Variants in CSMD1 observed in about 807,000 individuals in gnomAD.
The protein encoded by CSMD1 is CUB and sushi domain-containing protein 1.
Under a neutral mutation model 417.5 loss-of-function variants are expected in CSMD1, and 213 were observed. That is an observed-to-expected ratio of 0.51 (90% CI 0.46 to 0.57). CSMD1 has a LOEUF of 0.57. Ranked by LOEUF, CSMD1 falls within the 20% of genes least tolerant of loss-of-function variation. The pLI is 0.00. For synonymous variants in CSMD1, 2,862 were observed against 1,736.8 expected, an observed-to-expected ratio of 1.65 and a Z score of -16.11; for missense variants, 6,923 against 4,529.7, an observed-to-expected ratio of 1.53 and a Z score of -15.17.
At chr8:4,263,015 G>T (rs112203618) in intron 3 of CSMD1, among the ~76,000 whole-genome samples, 3,323 of 152,138 alleles carry the variant, frequency 0.022, 123 homozygotes, top group African/African-American at 0.077. Flanking sequence ...ATTCTGTCTT[G>T]GCCAAATAGT....
At chr8:3,000,295 T>C in intron 52 of CSMD1, among the ~76,000 whole-genome samples, 164 bp from the exon 53 acceptor site, 1 of 151,592 alleles carries the variant, frequency 6.6e-6, no homozygotes, top group Non-Finnish European at 1.5e-5. Context: ...TTTTTCTTTT[T>C]TTTATTATTT....
chr8:4,034,931 A>G (rs1281932787), intron 3 of CSMD1, among the ~76,000 whole-genome samples: 1 of 152,186 alleles, frequency 6.6e-6, no homozygotes, highest in African/African-American at 2.4e-5. Flanking sequence ...TCACACACGG[A>G]AAATGCAAAT....
chr8:3,792,197 G>A (rs988946265), intron 5 of CSMD1, among the ~76,000 whole-genome samples: 1 of 152,074 alleles, frequency 6.6e-6, no homozygotes, highest in Non-Finnish European at 1.5e-5. Context: ...GGGAGGCTGA[G>A]ATGGGAGATC....
At chr8:4,146,143 T>C (rs1368821520) in intron 3 of CSMD1, among the ~76,000 whole-genome samples, 1 of 150,854 alleles carries the variant, frequency 6.6e-6, no homozygotes, top group Non-Finnish European at 1.5e-5. Context: ...CTACATATGA[T>C]GGGTGACATA....
chr8:3,501,193 A>T (rs1022297843), intron 10 of CSMD1, among the ~76,000 whole-genome samples: 4 of 152,178 alleles, frequency 2.6e-5, no homozygotes, highest in Non-Finnish European at 5.9e-5. Context: ...GAATCCAAAT[A>T]TATCAACTGA....
At chr8:3,560,270 T>A (rs1159570429) in intron 10 of CSMD1, among the ~76,000 whole-genome samples, 2 of 152,160 alleles carry the variant, frequency 1.3e-5, no homozygotes, top group Non-Finnish European at 2.9e-5. Context: ...TGTTAATTAC[T>A]TAGAAGCATT....
chr8:3,034,069 C>A (rs1051441142), intron 50 of CSMD1, among the ~76,000 whole-genome samples: 5 of 152,210 alleles, frequency 3.3e-5, no homozygotes, highest in Non-Finnish European at 5.9e-5. Context: ...TGCTGCTGCC[C>A]ACATTGCTGG....
At chr8:3,567,035 T>C (rs139910923) in intron 10 of CSMD1, among the ~76,000 whole-genome samples, 123 of 152,316 alleles carry the variant, frequency 8.1e-4, no homozygotes, top group African/African-American at 2.9e-3. Flanking sequence ...TAAATGCCCA[T>C]CGATGGTAGA....
chr8:3,479,717 C>T (rs1817627602), intron 11 of CSMD1, among the ~76,000 whole-genome samples: 1 of 152,068 alleles, frequency 6.6e-6, no homozygotes, highest in Non-Finnish European at 1.5e-5. Flanking sequence ...GGGACACAAT[C>T]ATCACACCAA....
intron 1 of CSMD1, among the ~76,000 whole-genome samples, chr8:4,663,304 A>T (rs1346624901): frequency 1.3e-5 from 2 of 152,230 alleles, no homozygotes; most frequent in Non-Finnish European, 2.9e-5. Flanking sequence ...CATTGGACAA[A>T]GCCCATCTTT....
intron 1 of CSMD1, among the ~76,000 whole-genome samples, chr8:4,772,121 G>C (rs1386989336): frequency 6.6e-6 from 1 of 152,038 alleles, no homozygotes; most frequent in East Asian, 1.9e-4. Flanking sequence ...GGGTCATTTG[G>C]GTCCACCGAG....
chr8:4,167,660 C>A lies in CSMD1; in HGVS notation c.416-135561G>T, dbSNP rs76721799. Among the ~76,000 whole-genome samples, 27 of 152,230 alleles carry A rather than the reference C, an allele frequency of 1.8e-4. No homozygotes were observed. In the East Asian group the frequency reaches 4.8e-3, roughly 27 times the overall value. On this transcript the variant is annotated intron_variant, in intron 3 of 69. Coordinates refer to ENST00000635120, the MANE Select transcript of CSMD1 (RefSeq NM_033225.6). ...CTGTTTGGAAGATACAGATTGGCCACATAAAAAGATATTGGTTATATGATC... is the reference window on the plus strand; with the variant it reads ...CTGTTTGGAAGATACAGATTGGCCAAATAAAAAGATATTGGTTATATGATC...
At chr8:4,214,057 A>G (rs887349653) in intron 3 of CSMD1, among the ~76,000 whole-genome samples, 1 of 152,222 alleles carries the variant, frequency 6.6e-6, no homozygotes, top group Non-Finnish European at 1.5e-5. Flanking sequence ...AAAATGATCA[A>G]TAAATATCTG....
At chr8:4,016,106 G>A (rs1057285190) in intron 4 of CSMD1, among the ~76,000 whole-genome samples, 2 of 152,088 alleles carry the variant, frequency 1.3e-5, no homozygotes, top group African/African-American at 4.8e-5. Flanking sequence ...GAAATTTTGG[G>A]ATGGGATCAT....
intron 5 of CSMD1, among the ~76,000 whole-genome samples, chr8:3,915,618 TATC>T (rs1271979352): frequency 6.6e-6 from 1 of 151,206 alleles, no homozygotes; most frequent in Admixed American, 6.6e-5. Flanking sequence ...TTGAAAAGCT[TATC>T]ATATAATTAT....
intron 23 of CSMD1, among the ~76,000 whole-genome samples, chr8:3,324,073 C>A: frequency 7.8e-6 from 1 of 128,786 alleles, no homozygotes; most frequent in South Asian, 2.8e-4. Flanking sequence ...GACACACACC[C>A]AACCCCAGAG....
chr8:4,832,851 G>A (rs551900453), intron 1 of CSMD1, among the ~76,000 whole-genome samples: 1 of 152,246 alleles, frequency 6.6e-6, no homozygotes, highest in South Asian at 2.1e-4. Flanking sequence ...GCAGGTGCAT[G>A]TGTGTGAGGG....
chr8:4,676,015 C>A (rs1805661297), intron 1 of CSMD1, among the ~76,000 whole-genome samples: 1 of 152,136 alleles, frequency 6.6e-6, no homozygotes, highest in Admixed American at 6.5e-5. Context: ...TTTGGCCTTG[C>A]AGTTTTTGAA....
intron 5 of CSMD1, among the ~76,000 whole-genome samples, chr8:3,840,899 G>T (rs76118376): frequency 6.6e-6 from 1 of 151,832 alleles, no homozygotes; most frequent in African/African-American, 2.4e-5. Flanking sequence ...TAGAGACGAG[G>T]TTTCACCATA....
Sources: allele counts gnomAD v4.1 joint callset (sites outside exome capture counted in the v4.1 genomes callset), GRCh38; gene constraint gnomAD v4.1.1; transcripts MANE v1.5; gene names NCBI Gene and HGNC (gene_info 2026-07-23, HGNC 2026-07-21).